The following NAV2 variants were observed in gnomAD, a reference collection of about 807,000 sequenced individuals.
NAV2 encodes neuron navigator 2.
Under a neutral mutation model 223.2 loss-of-function variants are expected in NAV2, and 54 were observed. The observed-to-expected ratio is 0.24, with a 90% confidence interval of 0.19 to 0.30. The LOEUF is 0.30. Ranked by LOEUF, NAV2 falls within the 10% of genes least tolerant of loss-of-function variation. NAV2 has a pLI of 1.00. For synonymous variants in NAV2, 1,279 were observed against 1,239.3 expected (o/e 1.03, Z -0.67); for missense variants, 2,806 against 3,147.5 (o/e 0.89, Z 2.60).
At chr11:19,845,072 A>G (rs768033411) in intron 3 of NAV2, among the ~76,000 whole-genome samples, 2 of 152,166 alleles carry the variant, frequency 1.3e-5, no homozygotes, top group Non-Finnish European at 2.9e-5. Flanking sequence ...CAAAACAATG[A>G]CAAGTTCATA....
chr11:19,808,492 A>G (rs897119095), intron 1 of NAV2, among the ~76,000 whole-genome samples: 10 of 152,238 alleles, frequency 6.6e-5, no homozygotes, highest in African/African-American at 1.9e-4. Context: ...AATTAGTTTT[A>G]TTAAGTTTGG....
intron 1 of NAV2, among the ~76,000 whole-genome samples, chr11:19,555,870 C>T (rs1451603026): frequency 6.6e-6 from 1 of 151,858 alleles, no homozygotes; most frequent in Non-Finnish European, 1.5e-5. Context: ...CAGCCCCAGC[C>T]TGAGTGCACA....
intron 1 of NAV2, among the ~76,000 whole-genome samples, chr11:19,588,400 C>A (rs1819948619): frequency 6.6e-6 from 1 of 152,184 alleles, no homozygotes; most frequent in African/African-American, 2.4e-5. Flanking sequence ...CCCATAGCTG[C>A]AAAAATGACC....
At chr11:20,001,443 C>T (rs1163286682) in intron 11 of NAV2, among the ~76,000 whole-genome samples, 2 of 152,126 alleles carry the variant, frequency 1.3e-5, no homozygotes, top group Non-Finnish European at 2.9e-5. Flanking sequence ...AGTCGGTGCT[C>T]ATTCAGCACT....
intron 1 of NAV2, among the ~76,000 whole-genome samples, chr11:19,767,827 G>A (rs902377880): frequency 1.1e-4 from 16 of 152,214 alleles, no homozygotes; most frequent in Admixed American, 7.9e-4. Context: ...AGACCCTGAG[G>A]GCCTGCAGTG....
Position 20,036,099 on chromosome 11 carries a change from T to C in NAV2, c.2907+2T>C, listed in dbSNP as rs2153566559. The C allele has an allele frequency of 6.2e-7, 1 of 1,614,030 alleles. No homozygotes were observed. The highest frequency in any genetic ancestry group is 1.3e-5 in the African/African-American group (1 of 75,016). Reference sequence around the variant, plus strand: ...TCTCGAAAAAACCTGGATGTGCAGGTGAGGAACACAGGCCCTCCCAGGCTC... The same window carrying C: ...TCTCGAAAAAACCTGGATGTGCAGGCGAGGAACACAGGCCCTCCCAGGCTC... On this transcript the variant is annotated splice_donor_variant, in intron 12 of 37. Coordinates refer to ENST00000349880, the MANE Select transcript of NAV2 (RefSeq NM_145117.5). LOFTEE classifies it high-confidence loss of function.
At chr11:19,640,832 C>T (rs1832892959) in intron 1 of NAV2, among the ~76,000 whole-genome samples, 2 of 152,196 alleles carry the variant, frequency 1.3e-5, no homozygotes, top group Admixed American at 1.3e-4. Flanking sequence ...CAACAGGTAT[C>T]ACACTTGTGA....
chr11:19,737,493 A>G (rs758283632), intron 1 of NAV2, among the ~76,000 whole-genome samples: 2 of 152,206 alleles, frequency 1.3e-5, no homozygotes, highest in Non-Finnish European at 2.9e-5. Flanking sequence ...TGTCAAATAG[A>G]TAATTCCAAG....
Position 19,704,432 on chromosome 11 carries a change from C to G in NAV2, c.76-128052C>G, listed in dbSNP as rs116733955. 3.6e-3 allele frequency among the ~76,000 whole-genome samples: 541 copies of G among 152,298 alleles called. 2 individuals carry two copies. Among genetic ancestry groups the G allele is most frequent in the African/African-American group, 0.013 (523 of 41,554 alleles). On this transcript the variant is annotated intron_variant, in intron 1 of 37. Transcript: ENST00000360655. ...TATTCCTTTGATAGTATACTGTCTA[C>G]TGTCCAGAGTCCAGGCACTGGAGTC...
At chr11:19,702,923 C>T (rs1688904720) in intron 1 of NAV2, among the ~76,000 whole-genome samples, 1 of 150,286 alleles carries the variant, frequency 6.7e-6, no homozygotes, top group Non-Finnish European at 1.5e-5. Context: ...CCCATAATTC[C>T]AACTTTTAAA....
intron 35 of NAV2, 77 bp from the exon 36 acceptor site, chr11:20,107,587 C>A: frequency 8.5e-7 from 1 of 1,171,450 alleles, no homozygotes; most frequent in Non-Finnish European, 1.3e-6. Context: ...GTGAAGGGTG[C>A]TCGGACCATG....
chr11:20,103,262 G>T lies in NAV2; in HGVS notation c.6425G>T (p.Arg2142Leu). ...NVDHKSSKEL[R>L]QYLSNLADQC... ...CCTTCCTGGCCACCATAGGAATTGC[G>T]CCAGTACCTGTCCAACCTTGCTGAC... Residue 2142 changes from arginine to leucine, a missense_variant, in exon 33 of 38, where the codon CGC (arginine) becomes CTC (leucine). This residue lies in a region of NAV2 where 824 missense variants were observed against 1,069.4 expected (regional missense o/e 0.77). Transcript: ENST00000349880. 1 of 1,612,780 alleles carries T rather than the reference G, an allele frequency of 6.2e-7. No individual in the cohort carries two copies. The highest frequency in any genetic ancestry group is 8.5e-7 in the Non-Finnish European group (1 of 1,179,306).
chr11:19,902,304 C>G (rs1017807294), intron 6 of NAV2, among the ~76,000 whole-genome samples: 1 of 152,172 alleles, frequency 6.6e-6, no homozygotes, highest in Admixed American at 6.5e-5. Flanking sequence ...AGAGGAGACA[C>G]AAAAATCCCT....
At chr11:19,978,636 C>G (rs1027832685) in intron 10 of NAV2, 3 of 138,066 alleles carry the variant, frequency 2.2e-5, no homozygotes, top group Non-Finnish European at 3.1e-5. Context: ...TCTTTCATTT[C>G]TTGCATCTGA....
chr11:19,882,449 G>A (rs563894347), intron 5 of NAV2, among the ~76,000 whole-genome samples: 3 of 152,270 alleles, frequency 2.0e-5, no homozygotes, highest in African/African-American at 7.2e-5. Context: ...CATTATGAAT[G>A]TTCAGACAGG....
intron 1 of NAV2, among the ~76,000 whole-genome samples, chr11:19,689,732 G>A (rs140365340): frequency 3.5e-4 from 53 of 152,284 alleles, no homozygotes; most frequent in African/African-American, 1.1e-3. Flanking sequence ...CAGCTTGCCC[G>A]TTCACTGGCA....
At chr11:20,091,329 C>T (rs2060833189) in intron 27 of NAV2, among the ~76,000 whole-genome samples, 1 of 152,174 alleles carries the variant, frequency 6.6e-6, no homozygotes, top group South Asian at 2.1e-4. Flanking sequence ...ATCCACACCA[C>T]CCTCCCCAGC....
chr11:19,416,381 C>T (rs1235314258), intron 1 of NAV2, among the ~76,000 whole-genome samples: 3 of 152,136 alleles, frequency 2.0e-5, no homozygotes, highest in Non-Finnish European at 2.9e-5. Context: ...AGGAATAAAA[C>T]TTACAAGGTA....
intron 27 of NAV2, among the ~76,000 whole-genome samples, 183 bp downstream of exon 27, chr11:20,091,201 A>G (rs1257200518): frequency 2.6e-5 from 4 of 152,184 alleles, no homozygotes; most frequent in African/African-American, 9.6e-5. Flanking sequence ...GAAGAATAAG[A>G]GTACCCATGC....
Sources: gnomAD v4.1 joint callset for allele counts (sites outside exome capture counted in the v4.1 genomes callset) on GRCh38, gnomAD v4.1.1 for gene constraint, gnomAD v4.1.1 regional missense constraint, MANE v1.5 for transcripts, NCBI Gene and HGNC (gene_info 2026-07-23, HGNC 2026-07-21) for gene names.